Variants in TMCC2 observed in about 807,000 individuals in gnomAD.
TMCC2 encodes transmembrane and coiled-coil domains protein 2.
TMCC2 carries 16 observed loss-of-function variants against 49.4 expected under a neutral mutation model. The ratio of observed to expected loss-of-function variants is 0.32; its 90% CI spans 0.22 to 0.49. The LOEUF (loss-of-function observed/expected upper bound fraction) is 0.49. Among genes scored for constraint, TMCC2 ranks in the 20% least tolerant of loss-of-function variants. TMCC2 has a pLI of 0.99. For synonymous variants in TMCC2, 397 were observed against 434.1 expected, an observed-to-expected ratio of 0.91 and a Z score of 1.06; for missense variants, 762 against 989.8, an observed-to-expected ratio of 0.77 and a Z score of 3.09.
At chr1:205,246,754 G>A (rs1660469049) in intron 2 of TMCC2, 1 of 1,498,928 alleles carries the variant, frequency 6.7e-7, no homozygotes, top group Admixed American at 2.0e-5. Flanking sequence ...GGAGTCTCTG[G>A]TATGCAGCTA....
rs746202422 is a variant in TMCC2 at position 205,228,761 on chromosome 1, C to A, written c.197C>A (p.Pro66His). The change falls in exon 1 of 5, where the codon CCT (proline) becomes CAT (histidine). Residue 66 changes from proline (P) to histidine (H), a missense_variant. By Grantham distance (77) the Pro-to-His change is moderately conservative. Coordinates refer to ENST00000358024, the MANE Select transcript of TMCC2 (RefSeq NM_014858.4). ...APNPGPRSKP[P>H]DLKKIQQLSE... is the part of the protein sequence containing the mutation. Reference sequence around the variant, plus strand: ...AACCCAGGTCCCCGAAGCAAGCCTCCTGATTTAAAGGTGAGCGCAGACCAT... The same window carrying A: ...AACCCAGGTCCCCGAAGCAAGCCTCATGATTTAAAGGTGAGCGCAGACCAT... 1.2e-6 allele frequency: 2 copies of A among 1,605,146 alleles called. No homozygotes were observed. Among genetic ancestry groups the A allele is most frequent in the East Asian group, 2.2e-5 (1 of 44,550 alleles).
intron 2 of TMCC2, among the ~76,000 whole-genome samples, chr1:205,252,090 C>T (rs1660692394): frequency 6.6e-6 from 1 of 152,204 alleles, no homozygotes; most frequent in Non-Finnish European, 1.5e-5. Context: ...ACTATAAAGG[C>T]ATGAAATCAT....
Position 205,246,446 on chromosome 1 carries a change from C to T in TMCC2, c.747+4402C>T. 9 of 1,346,316 alleles carry T rather than the reference C, an allele frequency of 6.7e-6. No individual in the cohort carries two copies. In the South Asian group the frequency reaches 8.3e-5, roughly 12 times the overall value. The allele number at this position is 1,346,316 out of a possible 1,614,324, so 83.4% of individuals were successfully genotyped here. Reference sequence around the variant, plus strand: ...TCTGGGGAGAGATCCAAGCTAGAGGCATAAATTTGGGAGTTGTCAGCATAT... The same window carrying T: ...TCTGGGGAGAGATCCAAGCTAGAGGTATAAATTTGGGAGTTGTCAGCATAT... On this transcript the variant is annotated intron_variant, in intron 2 of 4. Transcript: ENST00000358024.
chr1:205,241,904 C>A lies in TMCC2; in HGVS notation c.607C>A (p.Gln203Lys), dbSNP rs1660283930. 6.2e-7 allele frequency: 1 copy of A among 1,609,514 alleles called. No individual in the cohort carries two copies. The highest frequency in any genetic ancestry group is 1.7e-5 in the Admixed American group (1 of 59,774). Residue 203 changes from glutamine (Q) to lysine (K), a missense_variant, in exon 2 of 5, where the codon CAG becomes AAG. Gln to Lys is a moderately conservative substitution (Grantham distance 53). Around this residue, in one of 2 missense-constraint regions of TMCC2, gnomAD observed 322 missense variants for 353.1 expected, o/e 0.91. Transcript: ENST00000358024. This position sits in a 1 kb window ranked among gnomAD's most constrained non-coding sequence, Gnocchi z 7.3. ...CCCTCACCTGCTGCGCAAGGCCCCC[C>A]AGGACAGCAGCCTGGCCGCCATCCT... ...GSPHLLRKAP[Q>K]DSSLAAILHQ...
At chr1:205,230,658 T>G (rs1296375947) in intron 1 of TMCC2, among the ~76,000 whole-genome samples, 1 of 152,042 alleles carries the variant, frequency 6.6e-6, no homozygotes, top group African/African-American at 2.4e-5. Context: ...CTTTGGAAAT[T>G]CCCCACTCTC....
At chr1:205,244,584 A>C (rs1380100710) in intron 2 of TMCC2, among the ~76,000 whole-genome samples, 1 of 152,056 alleles carries the variant, frequency 6.6e-6, no homozygotes, top group Non-Finnish European at 1.5e-5. Flanking sequence ...AGAGGCTGGT[A>C]ATTTGTGCTG....
intron 2 of TMCC2, among the ~76,000 whole-genome samples, chr1:205,267,039 G>C (rs1198986392): frequency 6.6e-6 from 1 of 152,204 alleles, no homozygotes; most frequent in African/African-American, 2.4e-5. Context: ...GGGTATGAAA[G>C]GTCAGAAATT....
intron 2 of TMCC2, among the ~76,000 whole-genome samples, chr1:205,253,392 T>C (rs1369824957): frequency 6.6e-6 from 1 of 152,154 alleles, no homozygotes; most frequent in Non-Finnish European, 1.5e-5. Context: ...GACCTGGGCT[T>C]CCTTCCAGTC....
chr1:205,239,111 A>G (rs879214986), intron 1 of TMCC2, among the ~76,000 whole-genome samples: 1 of 152,132 alleles, frequency 6.6e-6, no homozygotes. Flanking sequence ...TTAGAAGGGA[A>G]ACTCTTTCTG....
At chr1:205,260,285 C>T (rs760362134) in intron 2 of TMCC2, among the ~76,000 whole-genome samples, 19 of 152,190 alleles carry the variant, frequency 1.2e-4, no homozygotes, top group Non-Finnish European at 1.9e-4. Flanking sequence ...ATGGGCCAAA[C>T]AGGACTCTGT....
At chr1:205,271,443 C>T in intron 4 of TMCC2, 188 bp downstream of exon 4, 4 of 949,480 alleles carry the variant, frequency 4.2e-6, no homozygotes, top group Non-Finnish European at 6.3e-6. Context: ...AGGCCTGAGG[C>T]TGACAGCGTG....
At chr1:205,247,315 A>T (rs1022816371) in intron 2 of TMCC2, among the ~76,000 whole-genome samples, 6 of 152,118 alleles carry the variant, frequency 3.9e-5, no homozygotes, top group African/African-American at 1.4e-4. Flanking sequence ...CCTAGTCTGT[A>T]CCCAAGACTC....
Position 205,272,277 on chromosome 1 carries a change from T to C in TMCC2, c.*153T>C, listed in dbSNP as rs1558661850. ...GCCCCCTTCTCTGTACTTGCTTCTG[T>C]CTGACACCTTCTCCCTGTTGGCCTG... On this transcript the variant is annotated 3_prime_UTR_variant, in exon 5 of 5. Coordinates refer to ENST00000358024, the MANE Select transcript of TMCC2 (RefSeq NM_014858.4). 7.2e-7 allele frequency: 1 copy of C among 1,385,986 alleles called. No individual in the cohort carries two copies. Among genetic ancestry groups the C allele is most frequent in the East Asian group, 2.5e-5 (1 of 39,682 alleles). 85.9% of individuals were successfully genotyped at this position (1,385,986 alleles called of 1,614,324 possible).
intron 2 of TMCC2, among the ~76,000 whole-genome samples, chr1:205,245,460 C>T (rs1026685254): frequency 2.6e-5 from 4 of 152,116 alleles, no homozygotes; most frequent in South Asian, 2.1e-4. Flanking sequence ...TGTGAGGCCC[C>T]GTGGATTTTC....
intron 2 of TMCC2, among the ~76,000 whole-genome samples, chr1:205,255,041 A>G (rs941193463): frequency 2.0e-5 from 3 of 151,978 alleles, no homozygotes; most frequent in Non-Finnish European, 4.4e-5. Flanking sequence ...GTGAAACCCC[A>G]TCTCTGCAAA....
intron 2 of TMCC2, chr1:205,246,638 C>T (rs1156447382): frequency 1.3e-6 from 2 of 1,550,350 alleles, no homozygotes; most frequent in South Asian, 1.2e-5. Flanking sequence ...GGTTGTTCAG[C>T]CCTTAATGAG....
intron 1 of TMCC2, among the ~76,000 whole-genome samples, chr1:205,235,245 G>A (rs1659991415): frequency 6.6e-6 from 1 of 152,064 alleles, no homozygotes; most frequent in South Asian, 2.1e-4. Context: ...GGCTCTGGGG[G>A]AACTGGTGAC....
intron 2 of TMCC2, among the ~76,000 whole-genome samples, chr1:205,243,370 C>T (rs892718135): frequency 4.0e-5 from 6 of 151,440 alleles, no homozygotes; most frequent in South Asian, 2.1e-4. Context: ...GGAGACAGAG[C>T]GAGACTTCGT....
At chr1:205,253,072 C>T (rs1346155667) in intron 2 of TMCC2, among the ~76,000 whole-genome samples, 1 of 152,000 alleles carries the variant, frequency 6.6e-6, no homozygotes, top group Non-Finnish European at 1.5e-5. Flanking sequence ...GAGTTTGAGG[C>T]TTCCGTGAAC....
Sources: gnomAD v4.1 joint callset for allele counts (sites outside exome capture counted in the v4.1 genomes callset) on GRCh38, gnomAD v4.1.1 for gene constraint, gnomAD v4.1.1 regional missense constraint, Gnocchi (gnomAD v3.1) non-coding constraint, MANE v1.5 for transcripts, NCBI Gene and HGNC (gene_info 2026-07-23, HGNC 2026-07-21) for gene names.